ARHGEF3: variants seen among roughly 807,000 people sequenced by gnomAD.
ARHGEF3 encodes Rho guanine nucleotide exchange factor 3.
Under a neutral mutation model 63.2 loss-of-function variants are expected in ARHGEF3, and 28 were observed. That is an observed-to-expected ratio of 0.44 (90% CI 0.33 to 0.61). The LOEUF (loss-of-function observed/expected upper bound fraction) is 0.61. ARHGEF3 is among the 20% of genes least tolerant of loss of function. The pLI is 0.03. For missense variants in ARHGEF3, 533 were observed against 659.3 expected, an observed-to-expected ratio of 0.81 and a Z score of 2.10; for synonymous variants, 266 against 254.2, an observed-to-expected ratio of 1.05 and a Z score of -0.44.
intron 3 of ARHGEF3, among the ~76,000 whole-genome samples, chr3:56,909,897 G>A (rs1199759301): frequency 6.6e-6 from 1 of 152,112 alleles, no homozygotes; most frequent in African/African-American, 2.4e-5. Flanking sequence ...ATCCTGTGAG[G>A]TGAAAGAGAC....
chr3:56,893,765 C>T (rs1216850267), intron 3 of ARHGEF3, among the ~76,000 whole-genome samples: 7 of 134,110 alleles, frequency 5.2e-5, no homozygotes, highest in African/African-American at 1.7e-4. Context: ...GAGATCGCAC[C>T]ACTGCACTCC....
intron 3 of ARHGEF3, among the ~76,000 whole-genome samples, chr3:56,897,950 A>G (rs2041364154): frequency 6.6e-6 from 1 of 151,868 alleles, no homozygotes; most frequent in Non-Finnish European, 1.5e-5. Context: ...GTGGCATCAT[A>G]GCTCACTGAA....
At chr3:56,767,445 G>A (rs1034151148) in intron 2 of ARHGEF3, among the ~76,000 whole-genome samples, 7 of 151,830 alleles carry the variant, frequency 4.6e-5, no homozygotes, top group East Asian at 2.0e-4. Flanking sequence ...TTAGCCGGGC[G>A]TGGTGGCGGG....
chr3:56,738,966 C>T (rs1264829535), intron 7 of ARHGEF3, among the ~76,000 whole-genome samples: 1 of 151,904 alleles, frequency 6.6e-6, no homozygotes, highest in Admixed American at 6.6e-5. Flanking sequence ...GAGGTGGTGC[C>T]CACCTATCAT....
At chr3:56,959,244 T>C (rs946424850) in intron 2 of ARHGEF3, among the ~76,000 whole-genome samples, 1 of 152,230 alleles carries the variant, frequency 6.6e-6, no homozygotes, top group African/African-American at 2.4e-5. Flanking sequence ...AGGAGATGTA[T>C]AGCTTCAGCT....
intron 3 of ARHGEF3, among the ~76,000 whole-genome samples, chr3:56,901,709 G>T (rs12491966): frequency 6.6e-6 from 1 of 151,334 alleles, no homozygotes; most frequent in Non-Finnish European, 1.5e-5. Flanking sequence ...TCAGCCTCTC[G>T]AGTAGCTGGG....
At chr3:56,852,798 G>A (rs183594869) in intron 4 of ARHGEF3, among the ~76,000 whole-genome samples, 1 of 152,170 alleles carries the variant, frequency 6.6e-6, no homozygotes, top group Non-Finnish European at 1.5e-5. Flanking sequence ...GTTTCGGGCT[G>A]GGCTGGCTGA....
At chr3:57,072,993 C>G (rs1405716536) in intron 1 of ARHGEF3, among the ~76,000 whole-genome samples, 3 of 152,158 alleles carry the variant, frequency 2.0e-5, no homozygotes, top group African/African-American at 7.2e-5. Flanking sequence ...TTGCAGTGAG[C>G]CAAGGTCATG....
intron 3 of ARHGEF3, among the ~76,000 whole-genome samples, chr3:56,944,067 T>A (rs1237718418): frequency 6.6e-6 from 1 of 151,902 alleles, no homozygotes; most frequent in Non-Finnish European, 1.5e-5. Context: ...TCCCAGCTAC[T>A]CGGGCGGCTG....
chr3:57,056,246 G>T (rs1462188845), intron 1 of ARHGEF3, among the ~76,000 whole-genome samples: 2 of 152,030 alleles, frequency 1.3e-5, no homozygotes, highest in Non-Finnish European at 2.9e-5. Context: ...AATTAGCCAG[G>T]TGTGACAGCA....
chr3:56,856,469 T>C (rs1489764509), intron 4 of ARHGEF3, among the ~76,000 whole-genome samples: 1 of 152,154 alleles, frequency 6.6e-6, no homozygotes, highest in Non-Finnish European at 1.5e-5. Context: ...TTCATTTATG[T>C]TTTATTACAC....
At chr3:56,928,175 CT>C (rs1327702253) in intron 3 of ARHGEF3, among the ~76,000 whole-genome samples, 1 of 152,182 alleles carries the variant, frequency 6.6e-6, no homozygotes, top group Non-Finnish European at 1.5e-5. Flanking sequence ...GACCCCAAAG[CT>C]TATGGCACCT....
In ARHGEF3 at chr3:56,938,418, G is replaced by A. The variant is rs992651898; in HGVS notation, c.129+20405C>T. On this transcript the variant is annotated intron_variant, in intron 3 of 12. Coordinates refer to the ARHGEF3 transcript ENST00000338458. ...AAGTTTGTAAGACTTATTCATCTTC[G>A]ATAATAGAATATATTTTAAGTGATG... is the stretch of plus-strand genomic sequence containing the variant. 2.6e-5 allele frequency among the ~76,000 whole-genome samples: 4 copies of A among 152,208 alleles called. No individual in the cohort carries two copies. The East Asian group carries it at 5.8e-4, about 22-fold the overall frequency.
intron 1 of ARHGEF3, among the ~76,000 whole-genome samples, chr3:57,058,901 C>T (rs1705062875): frequency 6.7e-6 from 1 of 149,570 alleles, no homozygotes; most frequent in South Asian, 2.1e-4. Flanking sequence ...GACAAGAAAC[C>T]AAACACCGCA....
chr3:56,798,361 A>G (rs2037471887), intron 1 of ARHGEF3, among the ~76,000 whole-genome samples: 1 of 152,204 alleles, frequency 6.6e-6, no homozygotes, highest in Non-Finnish European at 1.5e-5. Flanking sequence ...TTTAAAACTG[A>G]AAGTAAGTTG....
intron 3 of ARHGEF3, among the ~76,000 whole-genome samples, chr3:56,934,696 C>T (rs11711195): frequency 0.11 from 17,412 of 152,276 alleles, 1,279 homozygotes; most frequent in East Asian, 0.25. Context: ...CTTAGTTGCC[C>T]TCCCACGGGG....
At chr3:56,916,304 CT>C (rs1560047324) in intron 3 of ARHGEF3, 1 of 1,535,260 alleles carries the variant, frequency 6.5e-7, no homozygotes, top group Non-Finnish European at 8.7e-7. Flanking sequence ...CAGCAGGGGG[CT>C]TACCTGCGAA....
chr3:56,874,909 T>C (rs2040536896), intron 4 of ARHGEF3, among the ~76,000 whole-genome samples: 1 of 152,202 alleles, frequency 6.6e-6, no homozygotes, highest in South Asian at 2.1e-4. Context: ...CATTCCATTG[T>C]CACAGGACCG....
At chr3:56,907,283 C>T (rs2041717431) in intron 3 of ARHGEF3, among the ~76,000 whole-genome samples, 2 of 152,184 alleles carry the variant, frequency 1.3e-5, no homozygotes, top group East Asian at 1.9e-4. Flanking sequence ...GCCTGGCCAA[C>T]ATTCTACTTC....
Sources: allele counts gnomAD v4.1 joint callset (sites outside exome capture counted in the v4.1 genomes callset), GRCh38; gene constraint gnomAD v4.1.1; transcripts MANE v1.5; gene names NCBI Gene and HGNC (gene_info 2026-07-23, HGNC 2026-07-21).